SLC44A1: variants seen among roughly 807,000 people sequenced by gnomAD.
SLC44A1 encodes choline transporter-like protein 1.
SLC44A1 carries 26 observed loss-of-function variants against 79.3 expected under a neutral mutation model. The ratio of observed to expected loss-of-function variants is 0.33; its 90% CI spans 0.24 to 0.46. SLC44A1 has a LOEUF of 0.46. Among genes scored for constraint, SLC44A1 ranks in the 20% least tolerant of loss-of-function variants. SLC44A1 has a pLI of 1.00. For synonymous variants in SLC44A1, 263 were observed against 286.2 expected, an observed-to-expected ratio of 0.92 and a Z score of 0.82; for missense variants, 688 against 798.1, an observed-to-expected ratio of 0.86 and a Z score of 1.66.
downstream of SLC44A1, among the ~76,000 whole-genome samples, chr9:105,400,890 A>G (rs542337779): frequency 6.6e-6 from 1 of 152,300 alleles, no homozygotes; most frequent in East Asian, 1.9e-4. Context: ...TTTCATATTC[A>G]TTGTTTTTAT....
At chr9:105,255,522 T>A (rs375810611) in intron 1 of SLC44A1, among the ~76,000 whole-genome samples, 30 of 152,342 alleles carry the variant, frequency 2.0e-4, no homozygotes, top group African/African-American at 6.3e-4. Flanking sequence ...ATTTAAAACA[T>A]CATATATTTG....
At chr9:105,361,411 A>C in intron 8 of SLC44A1, 81 bp downstream of exon 8, 5 of 1,328,636 alleles carry the variant, frequency 3.8e-6, no homozygotes, top group Non-Finnish European at 5.2e-6. Flanking sequence ...ACTCAAATCT[A>C]GCTTTTGCAT....
rs1385163258 is a variant in SLC44A1, at chr9:105,347,463, A to AT, written c.407-893dup. ...AGTATTCTAGTTGCTGTATTTTAAA[A>AT]TTAACGGATCAGGAAAATAAGATGT... On this transcript the variant is annotated intron_variant, in intron 4 of 15. Coordinates refer to ENST00000374720, the MANE Select transcript of SLC44A1 (RefSeq NM_080546.5). Among the ~76,000 whole-genome samples, 5 of 152,100 alleles carry AT rather than the reference A, an allele frequency of 3.3e-5. No homozygotes were observed. In the East Asian group the frequency reaches 9.6e-4, roughly 29 times the overall value.
At chr9:105,256,253 C>T (rs1829703549) in intron 1 of SLC44A1, among the ~76,000 whole-genome samples, 2 of 152,158 alleles carry the variant, frequency 1.3e-5, no homozygotes, top group South Asian at 2.1e-4. Flanking sequence ...CTCAAGTGAT[C>T]TGCCCACCTC....
intron 2 of SLC44A1, among the ~76,000 whole-genome samples, chr9:105,299,517 A>G (rs889627478): frequency 1.3e-5 from 2 of 152,376 alleles, no homozygotes; most frequent in Middle Eastern, 3.4e-3. Context: ...AGACCATTTC[A>G]GAAAGCAAAT....
At chr9:105,313,779 G>C (rs1831244438) in intron 3 of SLC44A1, among the ~76,000 whole-genome samples, 1 of 151,700 alleles carries the variant, frequency 6.6e-6, no homozygotes, top group African/African-American at 2.4e-5. Context: ...TATTATTGGA[G>C]GCAGAGTCTT....
intron 1 of SLC44A1, among the ~76,000 whole-genome samples, chr9:105,255,619 T>C (rs1029748364): frequency 1.3e-5 from 2 of 152,230 alleles, no homozygotes; most frequent in Admixed American, 1.3e-4. Context: ...TGGTCCTGCC[T>C]TAGTCATTGA....
At chr9:105,427,990 A>G (rs570934929) in intron 15 of SLC44A1, among the ~76,000 whole-genome samples, 39 of 152,206 alleles carry the variant, frequency 2.6e-4, no homozygotes, top group African/African-American at 8.4e-4. Flanking sequence ...TTGAGATGTC[A>G]CCATTTTTCC....
intron 3 of SLC44A1, among the ~76,000 whole-genome samples, chr9:105,319,282 C>A (rs891462361): frequency 9.2e-5 from 14 of 152,092 alleles, no homozygotes; most frequent in African/African-American, 3.4e-4. Flanking sequence ...CTACTGTACT[C>A]ATGGTTATGG....
intron 1 of SLC44A1, among the ~76,000 whole-genome samples, chr9:105,251,376 A>G (rs1208415617): frequency 1.3e-5 from 2 of 152,128 alleles, no homozygotes; most frequent in Non-Finnish European, 2.9e-5. Flanking sequence ...CTCCGGTTCA[A>G]GCCTCTGTCA....
rs149701367 is a variant in SLC44A1 at position 105,355,931 on chromosome 9, A to ATG, written c.501-264_501-263dup. The ATG allele has an allele frequency of 2.4e-3, 829 of 351,392 alleles. 3 individuals are homozygous for ATG. The highest frequency in any genetic ancestry group is 0.022 in the East Asian group (379 of 17,480). 21.8% of individuals were successfully genotyped at this position (351,392 alleles called of 1,614,324 possible). ...TTGCTTTTGGTAGTTGTGTGTGTGT[A>ATG]TGTGTGTGTGTGTGTGTGCGTTTCT... On this transcript the variant is annotated intron_variant, in intron 5 of 15. Transcript: ENST00000374720.
intron 1 of SLC44A1, among the ~76,000 whole-genome samples, chr9:105,247,865 T>C (rs1203810968): frequency 6.6e-6 from 1 of 152,232 alleles, no homozygotes; most frequent in Non-Finnish European, 1.5e-5. Flanking sequence ...GGCTGGTTGA[T>C]TAATTTTGCC....
At position 105,391,889 on chromosome 9, in the gene SLC44A1, T is replaced by C; in HGVS notation, c.*2833T>C. On this transcript the variant is annotated 3_prime_UTR_variant, in exon 16 of 16. Transcript: ENST00000374720. ...AAACTGTATTCAGGACTCATATTTC[T>C]AGAGTTTTAATTGGGGTCCTCTATT... The C allele has an allele frequency of 2.0e-6, 2 of 985,426 alleles. No homozygotes were observed. The highest frequency in any genetic ancestry group is 2.4e-6 in the Non-Finnish European group (2 of 829,928). The allele number at this position is 985,426 out of a possible 1,614,324, so 61.0% of individuals were successfully genotyped here. A position where few individuals can be genotyped will look rare whatever the true frequency, so the allele number is the denominator to read the frequency against.
intron 15 of SLC44A1, among the ~76,000 whole-genome samples, chr9:105,434,560 T>A (rs1050441824): frequency 6.6e-6 from 1 of 152,114 alleles, no homozygotes; most frequent in African/African-American, 2.4e-5. Flanking sequence ...CACCATACAT[T>A]TATAGAAGGA....
At chr9:105,321,157 GA>G (rs1826381803) in intron 3 of SLC44A1, among the ~76,000 whole-genome samples, 1 of 152,010 alleles carries the variant, frequency 6.6e-6, no homozygotes, top group Non-Finnish European at 1.5e-5. Context: ...AATTCACAAT[GA>G]TTTTTTTTTG....
intron 1 of SLC44A1, among the ~76,000 whole-genome samples, chr9:105,264,081 C>T (rs1308154694): frequency 6.6e-6 from 1 of 152,184 alleles, no homozygotes; most frequent in Non-Finnish European, 1.5e-5. Flanking sequence ...ATCCTTTGCC[C>T]TACCCTGTGC....
At chr9:105,277,737 C>T (rs1830242216) in intron 1 of SLC44A1, among the ~76,000 whole-genome samples, 1 of 152,206 alleles carries the variant, frequency 6.6e-6, no homozygotes, top group African/African-American at 2.4e-5. Context: ...CCTAATAGGG[C>T]TTGGTCCTTC....
chr9:105,358,687 T>C (rs913003453), intron 7 of SLC44A1, among the ~76,000 whole-genome samples: 2 of 152,208 alleles, frequency 1.3e-5, no homozygotes, highest in African/African-American at 2.4e-5. Flanking sequence ...CAGCTGAATA[T>C]GAAACCTTTT....
chr9:105,417,988 G>T (rs1376097774), intron 15 of SLC44A1, among the ~76,000 whole-genome samples: 2 of 152,080 alleles, frequency 1.3e-5, no homozygotes, highest in Non-Finnish European at 2.9e-5. Flanking sequence ...CTACAGTCCA[G>T]TCTAGCCAAC....
Sources: gnomAD v4.1 joint callset for allele counts (sites outside exome capture counted in the v4.1 genomes callset) on GRCh38, gnomAD v4.1.1 for gene constraint, MANE v1.5 for transcripts, NCBI Gene and HGNC (gene_info 2026-07-23, HGNC 2026-07-21) for gene names.